The following TAFAZZIN variants were observed in gnomAD, a reference collection of about 807,000 sequenced individuals.
TAFAZZIN encodes protein G4.5.
TAFAZZIN carries 6 observed loss-of-function variants against 27.3 expected under a neutral mutation model. The observed-to-expected ratio is 0.22, with a 90% CI of 0.12 to 0.43. The LOEUF is 0.43. Ranked by LOEUF, TAFAZZIN falls within the 20% of genes least tolerant of loss-of-function variation. TAFAZZIN has a pLI of 1.00. For synonymous variants in TAFAZZIN, 79 were observed against 96.2 expected (o/e 0.82, Z 1.04); for missense variants, 127 against 244.5 (o/e 0.52, Z 3.21).
Position 154,412,130 on chromosome X carries a change from G to C in TAFAZZIN, c.154G>C (p.Glu52Gln). ...CGTGCACAACAGGGAGGTGCTGTAC[G>C]AGCTCATCGAGAAGCGAGGCCCGGC... ...LTVHNREVLYELIEKRGPATP... is the reference protein window; with the variant it reads ...LTVHNREVLYQLIEKRGPATP... Residue 52 changes from glutamate to glutamine, a missense_variant, in exon 2 of 11, where the codon GAG becomes CAG. Glu to Gln is a conservative substitution (Grantham distance 29). Coordinates refer to ENST00000601016, the MANE Select transcript of TAFAZZIN (RefSeq NM_000116.5). 9 of 1,207,884 alleles carry C rather than the reference G, an allele frequency of 7.5e-6. No individual in the cohort carries two copies. In the South Asian group the frequency reaches 1.4e-4, roughly 19 times the overall value.
chrX:154,417,551 G>A (rs1280349975), intron 5 of TAFAZZIN, among the ~76,000 whole-genome samples: 2 of 112,773 alleles, frequency 1.8e-5, no homozygotes. Context: ...AGGTCAAGGA[G>A]GGGTTTATTA....
At chrX:154,415,217 C>G (rs1208821850) in intron 5 of TAFAZZIN, among the ~76,000 whole-genome samples, 1 of 109,197 alleles carries the variant, frequency 9.2e-6, no homozygotes, top group African/African-American at 3.3e-5. Context: ...CCTCAGCCTC[C>G]TGAGCAGCTG....
In TAFAZZIN at chrX:154,421,392, G is replaced by A. The variant is rs2068624669; in HGVS notation, c.*388G>A. On this transcript the variant is annotated 3_prime_UTR_variant, in exon 11 of 11. Coordinates refer to ENST00000601016, the MANE Select transcript of TAFAZZIN (RefSeq NM_000116.5). ...CTCCTCGGCCTGGCTCCTACCCACC[G>A]CCCTTGCCGAACCAGGAGCTGCTCA... 8.5e-6 allele frequency: 3 copies of A among 351,940 alleles called. No homozygotes were observed. Among genetic ancestry groups the A allele is most frequent in the African/African-American group, 5.1e-5 (2 of 39,109 alleles). The allele number at this position is 351,940 out of a possible 1,213,427, so 29.0% of individuals were successfully genotyped here.
At chrX:154,416,573 C>A (rs1360104306) in intron 5 of TAFAZZIN, among the ~76,000 whole-genome samples, 2 of 112,111 alleles carry the variant, frequency 1.8e-5, no homozygotes, top group East Asian at 5.6e-4. Context: ...CCAAGTGTCA[C>A]GTTGGAGAAC....
intron 2 of TAFAZZIN, chrX:154,412,619 T>C: frequency 4.7e-6 from 1 of 211,636 alleles, no homozygotes; most frequent in Admixed American, 6.7e-5. Flanking sequence ...TGCCCCTGGC[T>C]GGGCGTGTAC....
At position 154,420,958 on chromosome X, in the gene TAFAZZIN, A is replaced by G; in HGVS notation, c.833A>G (p.Lys278Arg). 1 of 1,211,721 alleles carries G rather than the reference A, an allele frequency of 8.3e-7. No individual in the cohort carries two copies. ...DFIQEEFQHL[K>R]TQAEQLHNHL... is the part of the protein sequence containing the mutation. The stretch of plus-strand genomic sequence containing the variant: ...ATTCAAGAGGAATTCCAGCATCTGA[A>G]GACTCAGGCAGAGCAGCTCCACAAC... Residue 278 changes from lysine (K) to arginine (R), a missense_variant, in exon 11 of 11, where the codon AAG becomes AGG. Coordinates refer to ENST00000601016, the MANE Select transcript of TAFAZZIN (RefSeq NM_000116.5).
Position 154,419,405 on chromosome X carries a change from G to A in TAFAZZIN, c.461-138G>A, listed in dbSNP as rs782779646. The A allele has an allele frequency of 7.9e-6, 5 of 636,268 alleles. No homozygotes were observed. In the East Asian group the frequency reaches 1.4e-4, roughly 17 times the overall value. 52.4% of individuals were successfully genotyped at this position (636,268 alleles called of 1,213,427 possible). On this transcript the variant is annotated intron_variant, in intron 5 of 10. Transcript: ENST00000601016. ...GGCTTTCCCAGCAAGCAGGGACTGA[G>A]GGGGATAGTCCCCAACACATGGGCC...
At position 154,421,405 on chromosome X, in the gene TAFAZZIN, C is replaced by A. The variant is rs1309259621; in HGVS notation, c.*401C>A. The A allele has an allele frequency of 5.8e-6, 2 of 345,929 alleles. No homozygotes were observed. Among genetic ancestry groups the A allele is most frequent in the Non-Finnish European group, 1.1e-5 (2 of 181,246 alleles). 28.5% of individuals were successfully genotyped at this position (345,929 alleles called of 1,213,427 possible). A position where few individuals can be genotyped will look rare whatever the true frequency, so the allele number is the denominator to read the frequency against. On this transcript the variant is annotated 3_prime_UTR_variant, in exon 11 of 11. Coordinates refer to ENST00000601016, the MANE Select transcript of TAFAZZIN (RefSeq NM_000116.5). ...CTCCTACCCACCGCCCTTGCCGAAC[C>A]AGGAGCTGCTCACTACCTCCTCAGG...
intron 5 of TAFAZZIN, 49 bp downstream of exon 5, chrX:154,414,239 G>A: frequency 9.3e-7 from 1 of 1,072,500 alleles, no homozygotes; most frequent in Non-Finnish European, 1.3e-6. Flanking sequence ...ACTTTGTGAG[G>A]TCGAGGTGAG....
chrX:154,413,692 C>T (rs1462799980), intron 4 of TAFAZZIN, 125 bp downstream of exon 4: 1 of 636,307 alleles, frequency 1.6e-6, no homozygotes, highest in Non-Finnish European at 2.5e-6. Context: ...GGCCCAGCTC[C>T]ATCACATGCC....
intron 5 of TAFAZZIN, among the ~76,000 whole-genome samples, chrX:154,415,725 A>G (rs1557192675): frequency 9.4e-6 from 1 of 106,661 alleles, no homozygotes; most frequent in African/African-American, 3.4e-5. Flanking sequence ...TACTAAAAAT[A>G]CAAAAATTAG....
intron 5 of TAFAZZIN, among the ~76,000 whole-genome samples, chrX:154,417,494 G>T (rs2068523734): frequency 8.8e-6 from 1 of 113,039 alleles, no homozygotes; most frequent in Non-Finnish European, 1.9e-5. Flanking sequence ...CAGAGGTTCA[G>T]TTTGGAGGAA....
rs185493643 is a variant in TAFAZZIN at position 154,417,319 on chromosome X, C to T, written c.461-2224C>T. Among the ~76,000 whole-genome samples, 29 of 111,006 alleles carry T rather than the reference C, an allele frequency of 2.6e-4. No individual in the cohort carries two copies. In the East Asian group the frequency reaches 6.0e-3, roughly 23 times the overall value. On this transcript the variant is annotated intron_variant, in intron 5 of 10. Transcript: ENST00000601016. ...TGGCCAGAGAGAAAAGCAAACCAGG[C>T]GCCTGTGGCACCATGGAAGCAGCAG... is the stretch of plus-strand genomic sequence containing the variant.
chrX:154,419,847 G>C, intron 7 of TAFAZZIN, 101 bp downstream of exon 7: 1 of 1,133,303 alleles, frequency 8.8e-7, no homozygotes, highest in Admixed American at 2.2e-5. Flanking sequence ...TATGGGGGTA[G>C]ATGGGCGTGT....
In TAFAZZIN at chrX:154,421,300, C is replaced by T. The variant is rs968058792; in HGVS notation, c.*296C>T. ...TGGCTTCAGGAGGGAGCATAGAAGG[C>T]AGGTGAGCAACCAGTTGGCTAGGGG... On this transcript the variant is annotated 3_prime_UTR_variant, in exon 11 of 11. Transcript: ENST00000601016. The T allele has an allele frequency of 2.3e-6, 1 of 434,860 alleles. No individual in the cohort carries two copies. The allele number at this position is 434,860 out of a possible 1,213,427, so 35.8% of individuals were successfully genotyped here. A position where few individuals can be genotyped will look rare whatever the true frequency, so the allele number is the denominator to read the frequency against.
intron 2 of TAFAZZIN, 175 bp from the exon 3 acceptor site, chrX:154,413,032 G>A: frequency 5.2e-6 from 3 of 573,346 alleles, no homozygotes; most frequent in South Asian, 2.7e-5. Context: ...GGAGGGTGGG[G>A]GAGAGGGAGG....
In TAFAZZIN at chrX:154,413,236, C is replaced by A. The variant is rs1557191592; in HGVS notation, c.268C>A (p.Leu90Met). ...GILKLRHIWN[L>M]KLMRWTPAAA... is the part of the protein sequence containing the mutation. Reference sequence around the variant, plus strand: ...CCTGAAACTCCGCCACATCTGGAACCTGAAGTTGATGCGTTGGTGAGGAGG... The same window carrying A: ...CCTGAAACTCCGCCACATCTGGAACATGAAGTTGATGCGTTGGTGAGGAGG... Residue 90 changes from leucine (L) to methionine (M), a missense_variant, in exon 3 of 11, where the codon CTG becomes ATG. By Grantham distance (15) the Leu-to-Met change is conservative. Transcript: ENST00000601016. 1 of 1,212,107 alleles carries A rather than the reference C, an allele frequency of 8.3e-7. No homozygotes were observed.
intron 9 of TAFAZZIN, 121 bp downstream of exon 9, chrX:154,420,385 G>A (rs1939001134): frequency 6.6e-6 from 6 of 910,497 alleles, no homozygotes; most frequent in Admixed American, 4.4e-5. Context: ...GCAGGGGACA[G>A]AGTGGAACAT....
intron 2 of TAFAZZIN, 176 bp downstream of exon 2, chrX:154,412,390 G>A: frequency 1.6e-6 from 1 of 643,471 alleles, no homozygotes; most frequent in Non-Finnish European, 2.3e-6. Flanking sequence ...CATCCCTGAG[G>A]GAGCATGATT....
Sources: gnomAD v4.1 joint callset for allele counts (sites outside exome capture counted in the v4.1 genomes callset) on GRCh38, gnomAD v4.1.1 for gene constraint, MANE v1.5 for transcripts, NCBI Gene and HGNC (gene_info 2026-07-23, HGNC 2026-07-21) for gene names.